The following MYO16 variants were observed in gnomAD, a reference collection of about 807,000 sequenced individuals.
MYO16 encodes unconventional myosin-XVI.
A neutral mutation model predicts 205.3 loss-of-function variants in MYO16; 94 were observed. That is an observed-to-expected ratio of 0.46 (90% CI 0.39 to 0.54). MYO16 has a LOEUF of 0.54. MYO16 is among the 20% of genes least tolerant of loss of function. The pLI, the probability that MYO16 is intolerant of heterozygous loss-of-function variation, is 0.00. For synonymous variants in MYO16, 988 were observed against 954.0 expected (o/e 1.04, Z -0.66); for missense variants, 2,315 against 2,387.5 (o/e 0.97, Z 0.63).
intron 1 of MYO16, among the ~76,000 whole-genome samples, chr13:108,602,996 G>A (rs1003054781): frequency 1.3e-5 from 2 of 152,120 alleles, no homozygotes; most frequent in Non-Finnish European, 2.9e-5. Flanking sequence ...AGCAGTATGT[G>A]GTTTGGAAGT....
chr13:108,530,721 T>C, the MYO16 span, among the ~76,000 whole-genome samples: 4 of 152,232 alleles, frequency 2.6e-5, no homozygotes, highest in Admixed American at 2.0e-4. Flanking sequence ...ATGTATCATA[T>C]ATACAATATA....
chr13:108,901,873 G>A (rs1055021750), intron 15 of MYO16, among the ~76,000 whole-genome samples: 5 of 152,168 alleles, frequency 3.3e-5, no homozygotes, highest in African/African-American at 4.8e-5. Context: ...GATCATAAAC[G>A]TGGTAGGACC....
intron 28 of MYO16, among the ~76,000 whole-genome samples, chr13:109,104,048 G>A (rs964999769): frequency 2.6e-5 from 4 of 152,216 alleles, no homozygotes; most frequent in African/African-American, 9.6e-5. Flanking sequence ...GTAATGGAAC[G>A]TCACAGAGAG....
rs148719413 is a variant in MYO16 at position 108,775,702 on chromosome 13, C to T, written c.508-9933C>T. On this transcript the variant is annotated intron_variant, in intron 4 of 34. Coordinates refer to ENST00000457511, the MANE Select transcript of MYO16 (RefSeq NM_001198950.3). ...TGGGACCCATTACCAGCTAAAATTG[C>T]GCATTTACTTCTAAGTTAGCTAGAG... Among the ~76,000 whole-genome samples, 430 of 152,202 alleles carry T rather than the reference C, an allele frequency of 2.8e-3. 1 individual carries two copies. Among genetic ancestry groups the T allele is most frequent in the African/African-American group, 9.6e-3 (400 of 41,524 alleles).
At chr13:108,878,672 G>A (rs1879444200) in intron 12 of MYO16, among the ~76,000 whole-genome samples, 1 of 152,236 alleles carries the variant, frequency 6.6e-6, no homozygotes, top group South Asian at 2.1e-4. Context: ...AGCTAAAAGA[G>A]TACACTGTAA....
chr13:109,001,710 A>G (rs1041972710), intron 21 of MYO16, among the ~76,000 whole-genome samples: 2 of 152,190 alleles, frequency 1.3e-5, no homozygotes, highest in African/African-American at 4.8e-5. Flanking sequence ...GCCCCAAGGT[A>G]ATCTTCAAAT....
intron 27 of MYO16, among the ~76,000 whole-genome samples, chr13:109,080,576 C>T (rs1374635790): frequency 1.3e-5 from 1 of 78,830 alleles, no homozygotes; most frequent in Non-Finnish European, 3.0e-5. Flanking sequence ...CTGTGCCCCT[C>T]TTCAAAAAAA....
intron 20 of MYO16, among the ~76,000 whole-genome samples, chr13:108,975,247 A>C (rs112970641): frequency 6.6e-6 from 1 of 150,414 alleles, no homozygotes; most frequent in Non-Finnish European, 1.5e-5. Flanking sequence ...CAATTTTCTC[A>C]TGTTTTGCTG....
intron 33 of MYO16, among the ~76,000 whole-genome samples, chr13:109,173,145 A>G (rs1219820261): frequency 6.6e-6 from 1 of 152,192 alleles, no homozygotes; most frequent in African/African-American, 2.4e-5. Flanking sequence ...AGAGGTGCAC[A>G]TTAGTCAATC....
chr13:109,119,959 G>T (rs1875907240), intron 28 of MYO16, among the ~76,000 whole-genome samples: 1 of 152,114 alleles, frequency 6.6e-6, no homozygotes, highest in Non-Finnish European at 1.5e-5. Flanking sequence ...TGTTTCGTTT[G>T]GTCTTTTGAG....
At chr13:108,940,436 G>A (rs974405207) in intron 16 of MYO16, among the ~76,000 whole-genome samples, 2 of 152,134 alleles carry the variant, frequency 1.3e-5, no homozygotes, top group Admixed American at 6.5e-5. Context: ...AACTCTCTAT[G>A]TGCATTCCAA....
Position 108,927,759 on chromosome 13 carries a change from C to G in MYO16, c.1925+17609C>G, listed in dbSNP as rs557583323. Among the ~76,000 whole-genome samples the G allele has an allele frequency of 2.4e-4, 36 of 152,288 alleles. No homozygotes were observed. In the South Asian group the frequency reaches 7.5e-3, roughly 32 times the overall value. ...GCCCTGCACAGGAATTCAACTAACC[C>G]GAGCCATCATGACAGTTCCACGAGG... is the stretch of plus-strand genomic sequence containing the variant. On this transcript the variant is annotated intron_variant, in intron 16 of 34. Transcript: ENST00000457511.
chr13:108,621,653 C>T (rs1879546596), intron 1 of MYO16, among the ~76,000 whole-genome samples: 1 of 152,146 alleles, frequency 6.6e-6, no homozygotes, highest in African/African-American at 2.4e-5. Flanking sequence ...CCTGGGCCAT[C>T]TGAAGCAGAT....
chr13:108,650,427 GTC>G (rs1485224451), intron 1 of MYO16, among the ~76,000 whole-genome samples: 1 of 152,228 alleles, frequency 6.6e-6, no homozygotes, highest in Non-Finnish European at 1.5e-5. Context: ...GTCTGAGACT[GTC>G]TGAGCACCAG....
At chr13:108,644,037 C>T (rs1880627655) in intron 1 of MYO16, among the ~76,000 whole-genome samples, 1 of 152,206 alleles carries the variant, frequency 6.6e-6, no homozygotes, top group African/African-American at 2.4e-5. Context: ...TGGGCTTTCT[C>T]CTTCCACTGT....
chr13:108,984,362 A>G (rs965810050), intron 20 of MYO16, among the ~76,000 whole-genome samples: 3 of 152,164 alleles, frequency 2.0e-5, no homozygotes, highest in African/African-American at 7.2e-5. Flanking sequence ...CCAGAGAAGC[A>G]CTAGAACTCC....
intron 16 of MYO16, among the ~76,000 whole-genome samples, chr13:108,918,050 A>G (rs965514362): frequency 4.6e-5 from 7 of 152,344 alleles, no homozygotes; most frequent in African/African-American, 9.6e-5. Flanking sequence ...TCGATTCTCA[A>G]TTATTTTTGT....
At chr13:108,788,093 A>G (rs1201753976) in intron 5 of MYO16, among the ~76,000 whole-genome samples, 1 of 152,100 alleles carries the variant, frequency 6.6e-6, no homozygotes, top group African/African-American at 2.4e-5. Flanking sequence ...CCTTTTTATA[A>G]CCAGGTGGTT....
At chr13:108,962,947 T>C (rs758632899) in intron 19 of MYO16, among the ~76,000 whole-genome samples, 1 of 152,270 alleles carries the variant, frequency 6.6e-6, no homozygotes, top group Non-Finnish European at 1.5e-5. Context: ...TGCTCTGATG[T>C]GGGCATTACT....
Sources: allele counts gnomAD v4.1 joint callset (sites outside exome capture counted in the v4.1 genomes callset), GRCh38; gene constraint gnomAD v4.1.1; transcripts MANE v1.5; gene names NCBI Gene and HGNC (gene_info 2026-07-23, HGNC 2026-07-21).